Variants in CFAP57 observed in about 807,000 individuals in gnomAD.
CFAP57 encodes the protein cilia- and flagella-associated protein 57.
In CFAP57, 116 loss-of-function variants were observed where a neutral mutation model predicts 146.8. The ratio of observed to expected loss-of-function variants is 0.79; its 90% CI spans 0.68 to 0.92. The LOEUF is 0.92. Ranked by LOEUF, CFAP57 falls within the 40% of genes least tolerant of loss-of-function variation. The pLI, the probability that CFAP57 is intolerant of heterozygous loss-of-function variation, is 0.00. For synonymous variants in CFAP57, 518 were observed against 552.8 expected, an observed-to-expected ratio of 0.94 and a Z score of 0.88; for missense variants, 1,377 against 1,527.2, an observed-to-expected ratio of 0.90 and a Z score of 1.64.
At chr1:43,213,460 T>C (rs1000305574) in intron 11 of CFAP57, among the ~76,000 whole-genome samples, 3 of 150,464 alleles carry the variant, frequency 2.0e-5, no homozygotes, top group African/African-American at 7.4e-5. Flanking sequence ...TGATGGACAC[T>C]TAGGTTGATT....
At chr1:43,199,361 G>A (rs1248547993) in intron 8 of CFAP57, 29 bp from the exon 9 acceptor site, 1 of 1,606,058 alleles carries the variant, frequency 6.2e-7, no homozygotes, top group South Asian at 1.1e-5. Flanking sequence ...CTTCCTGCTT[G>A]CTTGCTCTCT....
rs1337754368 is a variant in CFAP57, at chr1:43,238,590, A to G, written c.3405+3952A>G. Among the ~76,000 whole-genome samples the G allele has an allele frequency of 6.6e-6, 1 of 152,092 alleles. No homozygotes were observed. Among genetic ancestry groups the G allele is most frequent in the Non-Finnish European group, 1.5e-5 (1 of 68,018 alleles). ...GGCTCGGCAAACCCATTGCATTCAC[A>G]TTTTTAATCCACAAAGCCATCCAAA... On this transcript the variant is annotated intron_variant, in intron 21 of 22. Coordinates refer to ENST00000372492, the MANE Select transcript of CFAP57 (RefSeq NM_001378189.1). The surrounding 1 kb of genome is among the most constrained non-coding windows in gnomAD (Gnocchi z 4.3).
At chr1:43,194,792 G>C (rs1301098738) in intron 6 of CFAP57, 1 of 152,040 alleles carries the variant, frequency 6.6e-6, no homozygotes, top group Non-Finnish European at 1.5e-5. Flanking sequence ...TTTTCTTACA[G>C]TTCTATCCCT....
rs141246565 is a variant in CFAP57, at chr1:43,201,208, T to G, written c.1542+1705T>G. ...CCTATGTAGAATCTGAGAAGAATAT[T>G]GGACAGCAGAGGGAAGACCAACATT... On this transcript the variant is annotated intron_variant, in intron 9 of 22. Coordinates refer to ENST00000372492, the MANE Select transcript of CFAP57 (RefSeq NM_001378189.1). The surrounding 1 kb of genome is among the most constrained non-coding windows in gnomAD (Gnocchi z 4.4). 5.7e-3 allele frequency among the ~76,000 whole-genome samples: 868 copies of G among 152,154 alleles called. 3 individuals are homozygous for G. Among genetic ancestry groups the G allele is most frequent in the African/African-American group, 0.02 (826 of 41,486 alleles).
intron 11 of CFAP57, among the ~76,000 whole-genome samples, chr1:43,212,476 C>T (rs1039880596): frequency 6.6e-6 from 1 of 152,128 alleles, no homozygotes; most frequent in African/African-American, 2.4e-5. Context: ...AGTCATAGAG[C>T]ATGTAATGAT....
intron 22 of CFAP57, among the ~76,000 whole-genome samples, chr1:43,245,621 G>T (rs1336609028): frequency 6.6e-6 from 1 of 152,046 alleles, no homozygotes; most frequent in African/African-American, 2.4e-5. Flanking sequence ...CCCTCAAAAG[G>T]CTCAGGAATG....
At chr1:43,220,805 A>G (rs901139256) in intron 13 of CFAP57, among the ~76,000 whole-genome samples, 5 of 148,270 alleles carry the variant, frequency 3.4e-5, no homozygotes, top group Non-Finnish European at 6.0e-5. Context: ...GTTCGGCTAA[A>G]AAAAAAAAAG....
At chr1:43,242,799 G>A (rs144414330) in intron 21 of CFAP57, among the ~76,000 whole-genome samples, 29 of 152,004 alleles carry the variant, frequency 1.9e-4, no homozygotes, top group African/African-American at 6.5e-4. Flanking sequence ...TTTCTCTTCT[G>A]TAAAATTGTG....
chr1:43,227,876 A>G (rs1645314499), intron 18 of CFAP57, among the ~76,000 whole-genome samples: 1 of 152,176 alleles, frequency 6.6e-6, no homozygotes, highest in South Asian at 2.1e-4. Flanking sequence ...CCACCCAGTT[A>G]CTTAATGCAG....
chr1:43,199,606 A>G, intron 9 of CFAP57, 103 bp downstream of exon 9: 1 of 1,014,332 alleles, frequency 9.9e-7, no homozygotes, highest in Non-Finnish European at 1.6e-6. Context: ...TCCTTTCCTC[A>G]TGGGTTCACT....
intron 13 of CFAP57, among the ~76,000 whole-genome samples, chr1:43,221,094 A>G (rs1645025785): frequency 7.0e-6 from 1 of 141,982 alleles, no homozygotes. Context: ...TTTTTCACCC[A>G]GAAGTCCTTT....
chr1:43,208,818 AAAT>A (rs1644470870), intron 10 of CFAP57, among the ~76,000 whole-genome samples: 1 of 151,864 alleles, frequency 6.6e-6, no homozygotes, highest in African/African-American at 2.4e-5. Context: ...AAGAAAAAAA[AAAT>A]ATGTGTGTAG....
chr1:43,181,887 A>C, intron 3 of CFAP57, 37 bp downstream of exon 3: 2 of 1,605,368 alleles, frequency 1.2e-6, no homozygotes, highest in Non-Finnish European at 1.7e-6. Flanking sequence ...GAAAATTATA[A>C]AAAATAGAAC....
At chr1:43,177,605 C>A (rs1211203558) in intron 2 of CFAP57, among the ~76,000 whole-genome samples, 1 of 152,164 alleles carries the variant, frequency 6.6e-6, no homozygotes, top group Non-Finnish European at 1.5e-5. Flanking sequence ...GGTCCCCAAC[C>A]TTTCTGGCAT....
chr1:43,177,943 C>T (rs1415911794), intron 2 of CFAP57, among the ~76,000 whole-genome samples: 1 of 152,218 alleles, frequency 6.6e-6, no homozygotes, highest in East Asian at 1.9e-4. Context: ...GCTCTGAGCA[C>T]TCCTGCATTT....
Position 43,222,126 on chromosome 1 carries a change from T to C in CFAP57, c.2363T>C (p.Leu788Ser), listed in dbSNP as rs1232865892. 6.5e-7 allele frequency: 1 copy of C among 1,547,594 alleles called. No individual in the cohort carries two copies. The highest frequency in any genetic ancestry group is 8.7e-7 in the Non-Finnish European group (1 of 1,145,448). Residue 788 changes from leucine to serine, a missense_variant, in exon 15 of 23, where the codon TTG becomes TCG. Transcript: ENST00000372492. ...QDMECCNNQK[L>S]LLEYEKYQEL... is the part of the protein sequence containing the mutation. ...CCAGAATGTTGCAACAACCAAAAGT[T>C]GCTTCTAGAATATGAGAAGTACCAG... is the stretch of plus-strand genomic sequence containing the variant.
intron 21 of CFAP57, among the ~76,000 whole-genome samples, chr1:43,236,446 G>C (rs1386904759): frequency 6.6e-6 from 1 of 151,926 alleles, no homozygotes; most frequent in East Asian, 1.9e-4. Context: ...AGGAGACCTT[G>C]GGTAAATTCC....
chr1:43,190,512 C>T lies in CFAP57; in HGVS notation c.1122+3653C>T, dbSNP rs530938891. 5.3e-5 allele frequency among the ~76,000 whole-genome samples: 8 copies of T among 152,060 alleles called. No homozygotes were observed. The East Asian group carries it at 5.8e-4, about 11-fold the overall frequency. On this transcript the variant is annotated intron_variant, in intron 6 of 22. Transcript: ENST00000372492. The stretch of plus-strand genomic sequence containing the variant: ...GTCTCGATCTCCTGATCTTGTGATC[C>T]GCCTGCCTCGGCCTCCTAAAGTGCT...
chr1:43,216,956 C>T lies in CFAP57; in HGVS notation c.2091+1540C>T, dbSNP rs530456877. Among the ~76,000 whole-genome samples the T allele has an allele frequency of 2.6e-5, 4 of 152,318 alleles. No homozygotes were observed. The South Asian group carries it at 8.3e-4, about 32-fold the overall frequency. On this transcript the variant is annotated intron_variant, in intron 12 of 22. Transcript: ENST00000372492. ...GAGTATCACAAAGAAGGGAATTAAA[C>T]GTGCAGTGGAATGAAGTGTCATGAA...
Sources: allele counts gnomAD v4.1 joint callset (sites outside exome capture counted in the v4.1 genomes callset), GRCh38; gene constraint gnomAD v4.1.1; non-coding constraint Gnocchi (gnomAD v3.1); transcripts MANE v1.5; gene names NCBI Gene and HGNC (gene_info 2026-07-23, HGNC 2026-07-21).